The following PARD3B variants were observed in gnomAD, a reference collection of about 807,000 sequenced individuals.
PARD3B encodes the protein par-3 family cell polarity regulator beta.
In PARD3B, 103 loss-of-function variants were observed where a neutral mutation model predicts 130.2. The observed-to-expected ratio is 0.79, with a 90% confidence interval of 0.67 to 0.93. PARD3B has a LOEUF of 0.93. Among genes scored for constraint, PARD3B ranks in the 40% least tolerant of loss-of-function variants. The pLI, the probability that PARD3B is intolerant of heterozygous loss-of-function variation, is 0.00. For synonymous variants in PARD3B, 583 were observed against 553.2 expected (o/e 1.05, Z -0.76); for missense variants, 1,609 against 1,499.2 (o/e 1.07, Z -1.21).
At chr2:205,311,593 A>G (rs1396269400) in intron 18 of PARD3B, among the ~76,000 whole-genome samples, 1 of 152,188 alleles carries the variant, frequency 6.6e-6, no homozygotes, top group Non-Finnish European at 1.5e-5. Context: ...TTTTTCTTTC[A>G]GATTTTAGAT....
chr2:205,488,263 G>T (rs1163395136), intron 20 of PARD3B, among the ~76,000 whole-genome samples: 1 of 151,998 alleles, frequency 6.6e-6, no homozygotes, highest in South Asian at 2.1e-4. Context: ...TCCACAGGGC[G>T]GGGGGTGTTG....
At chr2:205,224,385 A>AAAAAAC (rs1164513653) in intron 15 of PARD3B, among the ~76,000 whole-genome samples, 10 of 147,498 alleles carry the variant, frequency 6.8e-5, no homozygotes, top group Non-Finnish European at 1.5e-4. Context: ...AAAAAAAAAA[A>AAAAAAC]AAAGAAAGAA....
At chr2:205,378,813 G>C (rs1405264150) in intron 18 of PARD3B, among the ~76,000 whole-genome samples, 1 of 151,856 alleles carries the variant, frequency 6.6e-6, no homozygotes, top group Non-Finnish European at 1.5e-5. Flanking sequence ...TGTATTTTTA[G>C]TAGAGACGGG....
At chr2:204,928,121 G>A (rs1687769493) in intron 2 of PARD3B, among the ~76,000 whole-genome samples, 1 of 152,048 alleles carries the variant, frequency 6.6e-6, no homozygotes, top group Admixed American at 6.6e-5. Flanking sequence ...GCTGATCTAG[G>A]CCGTGTCCTC....
At chr2:205,216,557 G>C (rs2037921519) in intron 15 of PARD3B, among the ~76,000 whole-genome samples, 1 of 151,956 alleles carries the variant, frequency 6.6e-6, no homozygotes, top group South Asian at 2.1e-4. Flanking sequence ...GAATAAAAAA[G>C]CAGAAGCCTG....
Position 204,935,407 on chromosome 2 carries a change from C to T in PARD3B, c.223-29745C>T, listed in dbSNP as rs11895916. ...AAAAAAAATTAGCCTGGCATGGTGA[C>T]GGGCGCCTGTAGTCCCAGCTACTCG... On this transcript the variant is annotated intron_variant, in intron 2 of 22. Transcript: ENST00000406610. 3.1e-3 allele frequency among the ~76,000 whole-genome samples: 468 copies of T among 149,786 alleles called. 4 individuals are homozygous for T. The highest frequency in any genetic ancestry group is 9.8e-3 in the African/African-American group (401 of 41,050).
intron 1 of PARD3B, among the ~76,000 whole-genome samples, chr2:204,663,852 G>A (rs1235242837): frequency 6.6e-6 from 1 of 152,152 alleles, no homozygotes. Context: ...TGTCATATAC[G>A]GTTGCATTAT....
At chr2:205,036,583 T>C (rs1287784156) in intron 3 of PARD3B, among the ~76,000 whole-genome samples, 3 of 149,412 alleles carry the variant, frequency 2.0e-5, no homozygotes, top group Non-Finnish European at 4.5e-5. Flanking sequence ...AAAAAATATA[T>C]ATACACAGCG....
chr2:204,661,478 A>G (rs1559037427), intron 1 of PARD3B, among the ~76,000 whole-genome samples: 1 of 152,148 alleles, frequency 6.6e-6, no homozygotes, highest in Admixed American at 6.6e-5. Flanking sequence ...CCTCATGACC[A>G]GAGGCAGAAT....
intron 2 of PARD3B, among the ~76,000 whole-genome samples, chr2:204,844,599 G>T (rs2044390002): frequency 1.3e-5 from 2 of 152,044 alleles, no homozygotes; most frequent in South Asian, 4.1e-4. Flanking sequence ...GCGGGGGCTG[G>T]GTGTTATATA....
chr2:204,687,060 A>G (rs898959064), intron 2 of PARD3B, among the ~76,000 whole-genome samples: 24 of 152,104 alleles, frequency 1.6e-4, no homozygotes, highest in African/African-American at 5.6e-4. Flanking sequence ...TGCTGTTTGT[A>G]CAAGGCTAAT....
At chr2:205,566,426 A>G (rs1268762206) in intron 22 of PARD3B, among the ~76,000 whole-genome samples, 1 of 152,152 alleles carries the variant, frequency 6.6e-6, no homozygotes, top group Admixed American at 6.5e-5. Flanking sequence ...GGAGCTGATG[A>G]ACCTTGATGA....
intron 4 of PARD3B, among the ~76,000 whole-genome samples, chr2:205,095,048 A>G: frequency 6.6e-6 from 1 of 152,180 alleles, no homozygotes; most frequent in Non-Finnish European, 1.5e-5. Flanking sequence ...AATAGATTAA[A>G]TGAAAGAAGG....
At chr2:205,001,823 A>G (rs1319946621) in intron 3 of PARD3B, among the ~76,000 whole-genome samples, 2 of 152,180 alleles carry the variant, frequency 1.3e-5, no homozygotes, top group African/African-American at 4.8e-5. Flanking sequence ...TGTGCGCCTT[A>G]TGACAACAGT....
intron 22 of PARD3B, among the ~76,000 whole-genome samples, chr2:205,600,867 G>A (rs1259304188): frequency 1.3e-5 from 2 of 152,166 alleles, no homozygotes; most frequent in East Asian, 3.8e-4. Flanking sequence ...GTATTCCATG[G>A]TGTATATGTA....
intron 4 of PARD3B, among the ~76,000 whole-genome samples, chr2:205,054,430 A>T (rs1209772828): frequency 0.012 from 466 of 37,558 alleles, 10 homozygotes; most frequent in African/African-American, 0.046. Flanking sequence ...ATATATATAT[A>T]TATATATTTT....
Position 204,546,037 on chromosome 2 carries a change from T to G in PARD3B, c.38T>G (p.Val13Gly). 6.4e-7 allele frequency: 1 copy of G among 1,567,692 alleles called. No homozygotes were observed. Among genetic ancestry groups the G allele is most frequent in the Non-Finnish European group, 8.7e-7 (1 of 1,155,596 alleles). Residue 13 changes from valine to glycine, a missense_variant, in exon 1 of 23, where the codon GTG becomes GGG. By Grantham distance (109) the Val-to-Gly change is moderately radical. Transcript: ENST00000406610. ...VTVCFGRTGI[V>G]VPCKEGQLRV... The stretch of plus-strand genomic sequence containing the variant: ...GTGTGCTTCGGCAGGACGGGCATCG[T>G]GGTGCCCTGCAAGGAGGGCCAGCTG...
intron 22 of PARD3B, among the ~76,000 whole-genome samples, chr2:205,570,332 G>T (rs1461754775): frequency 6.6e-6 from 1 of 152,004 alleles, no homozygotes; most frequent in Admixed American, 6.6e-5. Context: ...TTCTTAAAGG[G>T]GTCATTTTTT....
chr2:205,310,363 A>T (rs2042337401), intron 18 of PARD3B, among the ~76,000 whole-genome samples: 1 of 151,258 alleles, frequency 6.6e-6, no homozygotes. Flanking sequence ...TGGGAAATCT[A>T]CTCTTTTAGC....
Sources: gnomAD v4.1 joint callset for allele counts (sites outside exome capture counted in the v4.1 genomes callset) on GRCh38, gnomAD v4.1.1 for gene constraint, MANE v1.5 for transcripts, NCBI Gene and HGNC (gene_info 2026-07-23, HGNC 2026-07-21) for gene names.